The following LSP1 variants were observed in gnomAD, a reference collection of about 807,000 sequenced individuals.
LSP1 encodes lymphocyte specific protein 1, also known as lymphocyte-specific protein 1.
A neutral mutation model predicts 49.3 loss-of-function variants in LSP1; 32 were observed. That is an observed-to-expected ratio of 0.65 (90% CI 0.49 to 0.87). The LOEUF (loss-of-function observed/expected upper bound fraction) is 0.87. Among genes scored for constraint, LSP1 ranks in the 40% least tolerant of loss-of-function variants. The pLI, the probability that LSP1 is intolerant of heterozygous loss-of-function variation, is 0.00. For missense variants in LSP1, 428 were observed against 442.6 expected, an observed-to-expected ratio of 0.97 and a Z score of 0.30; for synonymous variants, 179 against 178.8, an observed-to-expected ratio of 1.00 and a Z score of -0.01.
rs1482100818 is a variant in LSP1, at chr11:1,891,931, G to A, written c.*172G>A. The A allele has an allele frequency of 6.6e-6, 1 of 151,228 alleles. No homozygotes were observed. Among genetic ancestry groups the A allele is most frequent in the Non-Finnish European group, 1.5e-5 (1 of 67,954 alleles). 9.4% of individuals were successfully genotyped at this position (151,228 alleles called of 1,614,324 possible). A position where few individuals can be genotyped will look rare whatever the true frequency, so the allele number is the denominator to read the frequency against. Reference sequence around the variant, plus strand: ...ATGCCATCCGCTGCCACCTCCTTTTGCTCCTGGACCCTTTAGCCTCTCTGC... The same window carrying A: ...ATGCCATCCGCTGCCACCTCCTTTTACTCCTGGACCCTTTAGCCTCTCTGC... On this transcript the variant is annotated 3_prime_UTR_variant, in exon 11 of 11. Transcript: ENST00000311604.
At chr11:1,886,984 C>G (rs1263017139) in intron 8 of LSP1, 118 bp downstream of exon 8, 24 of 1,315,258 alleles carry the variant, frequency 1.8e-5, no homozygotes, top group Non-Finnish European at 2.4e-5. Context: ...TGTGGGTATA[C>G]AGAACCCTGA....
In LSP1 at chr11:1,872,291, C is replaced by A. The variant is rs1402832613; in HGVS notation, c.54-7796C>A. Reference sequence around the variant, plus strand: ...GGGGTCTGTCCGGCTGGCGTGGGCACCTTTGGGACGGGGTCTCTGTGGTGG... The same window carrying A: ...GGGGTCTGTCCGGCTGGCGTGGGCAACTTTGGGACGGGGTCTCTGTGGTGG... On this transcript the variant is annotated intron_variant, in intron 1 of 10. Coordinates refer to ENST00000311604, the MANE Select transcript of LSP1 (RefSeq NM_002339.3). 3.1e-5 allele frequency among the ~76,000 whole-genome samples: 4 copies of A among 129,848 alleles called. 1 individual carries two copies. Among genetic ancestry groups the A allele is most frequent in the Non-Finnish European group, 6.5e-5 (4 of 61,692 alleles). The allele number at this position is 129,848 out of a possible 152,430, so 85.2% of individuals were successfully genotyped here.
intron 1 of LSP1, among the ~76,000 whole-genome samples, chr11:1,857,522 T>TG (rs1365919599): frequency 6.6e-6 from 1 of 152,056 alleles, no homozygotes; most frequent in Non-Finnish European, 1.5e-5. Context: ...TGGTGAGGGG[T>TG]GGGGGCGTGA....
intron 1 of LSP1, 21 bp downstream of exon 1, chr11:1,853,218 C>G: frequency 6.2e-7 from 1 of 1,604,416 alleles, no homozygotes; most frequent in Middle Eastern, 1.7e-4. Flanking sequence ...GCGGCGACGC[C>G]CGGCGCCCTG....
At chr11:1,864,542 G>A in intron 1 of LSP1, among the ~76,000 whole-genome samples, 1 of 152,138 alleles carries the variant, frequency 6.6e-6, no homozygotes, top group Non-Finnish European at 1.5e-5. Flanking sequence ...AGGTCTGGCT[G>A]AGCCCCACGC....
intron 10 of LSP1, chr11:1,890,902 C>T (rs1848972643): frequency 5.6e-6 from 2 of 356,008 alleles, no homozygotes; most frequent in African/African-American, 2.0e-5. Flanking sequence ...GCCCCAAGTA[C>T]ACAGCCTGGG....
chr11:1,855,043 C>T (rs1276175637), intron 1 of LSP1, among the ~76,000 whole-genome samples: 1 of 152,186 alleles, frequency 6.6e-6, no homozygotes, highest in Admixed American at 6.5e-5. Context: ...GGCTGTCAGG[C>T]GCTCCAGCTG....
chr11:1,867,692 C>T (rs1450580670), intron 1 of LSP1, among the ~76,000 whole-genome samples: 1 of 152,164 alleles, frequency 6.6e-6, no homozygotes, highest in Non-Finnish European at 1.5e-5. Flanking sequence ...AGGCAAAGTG[C>T]TGTGTCCTCA....
intron 10 of LSP1, chr11:1,889,267 G>A (rs955160804): frequency 7.3e-6 from 5 of 681,436 alleles, no homozygotes; most frequent in East Asian, 2.7e-5. Context: ...GCGTTGAAGC[G>A]AGGCCGGTAC....
intron 1 of LSP1, among the ~76,000 whole-genome samples, chr11:1,857,444 G>A (rs1213103396): frequency 6.6e-6 from 1 of 152,222 alleles, no homozygotes; most frequent in Non-Finnish European, 1.5e-5. Flanking sequence ...GGATGGGTGA[G>A]CCCTAGAGAA....
chr11:1,864,083 G>A (rs1463115312), intron 1 of LSP1: 1 of 611,986 alleles, frequency 1.6e-6, no homozygotes, highest in Non-Finnish European at 2.0e-6. Context: ...GAGGGGAGGG[G>A]AAGGGAGGGA....
At chr11:1,859,706 C>T (rs1166592883) in intron 1 of LSP1, among the ~76,000 whole-genome samples, 1 of 148,394 alleles carries the variant, frequency 6.7e-6, no homozygotes, top group Admixed American at 6.8e-5. Flanking sequence ...CCCCAGCCCC[C>T]AGCCCCCAGC....
chr11:1,859,463 A>T (rs1847567941), intron 1 of LSP1: 3 of 154,278 alleles, frequency 1.9e-5, no homozygotes, highest in Middle Eastern at 6.0e-4. Flanking sequence ...CTCCTTCCTG[A>T]GTGGAACCTA....
chr11:1,867,988 C>T (rs1054534328), intron 1 of LSP1, among the ~76,000 whole-genome samples: 2 of 152,196 alleles, frequency 1.3e-5, no homozygotes, highest in Non-Finnish European at 2.9e-5. Context: ...GCTGACCTAC[C>T]CCCAATGCCT....
intron 1 of LSP1, 30 bp from the exon 2 acceptor site, chr11:1,880,057 G>A (rs1352133754): frequency 1.2e-6 from 2 of 1,605,394 alleles, no homozygotes; most frequent in African/African-American, 2.7e-5. Context: ...GTCGGCTGTG[G>A]CGTGACTGTC....
intron 1 of LSP1, among the ~76,000 whole-genome samples, chr11:1,874,071 A>G (rs145624327): frequency 0.69 from 27,743 of 40,436 alleles, 9,829 homozygotes; most frequent in East Asian, 0.86. Context: ...GGAGGCCGGC[A>G]GAGGAGGGAG....
intron 1 of LSP1, among the ~76,000 whole-genome samples, chr11:1,857,162 A>C (rs1359046855): frequency 2.0e-5 from 3 of 152,104 alleles, no homozygotes; most frequent in Non-Finnish European, 2.9e-5. Context: ...ACCGACACCC[A>C]GCTGGGCTGG....
At chr11:1,857,160 C>T (rs918154807) in intron 1 of LSP1, among the ~76,000 whole-genome samples, 2 of 152,204 alleles carry the variant, frequency 1.3e-5, no homozygotes, top group African/African-American at 4.8e-5. Flanking sequence ...CCACCGACAC[C>T]CAGCTGGGCT....
intron 1 of LSP1, chr11:1,869,667 CG>C (rs1847911994): frequency 2.2e-6 from 1 of 456,676 alleles, no homozygotes; most frequent in African/African-American, 2.6e-5. Context: ...GCTCCAAAGA[CG>C]GGCGGTAGGA....
Sources: gnomAD v4.1 joint callset for allele counts (sites outside exome capture counted in the v4.1 genomes callset) on GRCh38, gnomAD v4.1.1 for gene constraint, MANE v1.5 for transcripts, NCBI Gene and HGNC (gene_info 2026-07-23, HGNC 2026-07-21) for gene names.